The following TBC1D8 variants were observed in gnomAD, a reference collection of about 807,000 sequenced individuals.
TBC1D8 encodes the protein BUB2-like protein 1.
TBC1D8 carries 65 observed loss-of-function variants against 118.8 expected under a neutral mutation model. The ratio of observed to expected loss-of-function variants is 0.55; its 90% CI spans 0.45 to 0.67. TBC1D8 has a LOEUF of 0.67. TBC1D8 is among the 30% of genes least tolerant of loss of function. The probability of loss-of-function intolerance (pLI) is 0.00; values close to 1 mark genes in which losing one functional copy is unlikely to be tolerated. For missense variants in TBC1D8, 1,376 were observed against 1,471.2 expected (o/e 0.94, Z 1.06); for synonymous variants, 566 against 595.8 (o/e 0.95, Z 0.73).
chr2:101,143,242 T>C (rs1679189602), intron 1 of TBC1D8, among the ~76,000 whole-genome samples: 1 of 151,994 alleles, frequency 6.6e-6, no homozygotes, highest in Non-Finnish European at 1.5e-5. Context: ...TTTGTATTTT[T>C]AGTAGAGATG....
intron 2 of TBC1D8, among the ~76,000 whole-genome samples, chr2:101,082,893 A>G (rs150196018): frequency 4.6e-5 from 7 of 152,336 alleles, no homozygotes; most frequent in South Asian, 4.1e-4. Flanking sequence ...TCATGCCACC[A>G]ACCTGTACAC....
At chr2:101,065,963 G>C (rs1682990111) in intron 2 of TBC1D8, among the ~76,000 whole-genome samples, 1 of 152,102 alleles carries the variant, frequency 6.6e-6, no homozygotes, top group African/African-American at 2.4e-5. Context: ...AGAATCAGTA[G>C]ACCAAGACAT....
chr2:101,098,129 G>A (rs759189285), intron 1 of TBC1D8, among the ~76,000 whole-genome samples: 103 of 152,176 alleles, frequency 6.8e-4, no homozygotes, highest in African/African-American at 2.3e-3. Flanking sequence ...ATGGTTGCTC[G>A]CACCTGTAAT....
chr2:101,016,257 G>A (rs1454600089), intron 17 of TBC1D8, among the ~76,000 whole-genome samples: 1 of 152,208 alleles, frequency 6.6e-6, no homozygotes, highest in East Asian at 1.9e-4. Context: ...TCAAAAAGTA[G>A]GCAAAGGATA....
intron 1 of TBC1D8, among the ~76,000 whole-genome samples, chr2:101,097,557 T>TAAA (rs79801373): frequency 1.2e-4 from 18 of 148,498 alleles, no homozygotes; most frequent in East Asian, 7.9e-4. Flanking sequence ...CTCTGTTATT[T>TAAA]AAAAAAAAAA....
intron 2 of TBC1D8, among the ~76,000 whole-genome samples, chr2:101,086,966 T>A (rs1414553479): frequency 2.0e-5 from 3 of 151,978 alleles, no homozygotes; most frequent in Non-Finnish European, 4.4e-5. Flanking sequence ...GTACTTTTAG[T>A]AGAGATGGGG....
intron 1 of TBC1D8, among the ~76,000 whole-genome samples, chr2:101,104,771 T>C (rs764830400): frequency 6.6e-6 from 1 of 152,156 alleles, no homozygotes; most frequent in Non-Finnish European, 1.5e-5. Flanking sequence ...ATCCCAGCAC[T>C]TTGGAAGGCC....
intron 1 of TBC1D8, among the ~76,000 whole-genome samples, chr2:101,115,184 T>C (rs1287423522): frequency 2.0e-5 from 3 of 152,180 alleles, no homozygotes; most frequent in South Asian, 2.1e-4. Context: ...ACCCAATCTA[T>C]CTTTAGAAAA....
intron 2 of TBC1D8, among the ~76,000 whole-genome samples, chr2:101,070,746 T>C (rs1328062650): frequency 6.6e-6 from 1 of 152,154 alleles, no homozygotes; most frequent in African/African-American, 2.4e-5. Flanking sequence ...CCTCACCTAT[T>C]CTGTAGTCAG....
intron 2 of TBC1D8, among the ~76,000 whole-genome samples, chr2:101,059,774 C>T (rs1402613914): frequency 6.6e-6 from 1 of 152,122 alleles, no homozygotes; most frequent in Non-Finnish European, 1.5e-5. Flanking sequence ...TCTGTCTCTA[C>T]TAAAAATGCA....
intron 2 of TBC1D8, among the ~76,000 whole-genome samples, chr2:101,062,044 T>A (rs1460514180): frequency 1.3e-5 from 2 of 152,172 alleles, no homozygotes. Context: ...GCCTCTGGCT[T>A]AAGTCTCCCT....
chr2:101,043,855 G>A (rs1352784890), intron 5 of TBC1D8, among the ~76,000 whole-genome samples: 2 of 152,080 alleles, frequency 1.3e-5, no homozygotes, highest in Non-Finnish European at 2.9e-5. Flanking sequence ...CAAGAGAATC[G>A]CTTGAACCCG....
At chr2:101,016,821 A>G (rs1679678988) in intron 17 of TBC1D8, among the ~76,000 whole-genome samples, 1 of 152,068 alleles carries the variant, frequency 6.6e-6, no homozygotes, top group East Asian at 1.9e-4. Context: ...AACTATCACA[A>G]GGACAAAAAA....
intron 1 of TBC1D8, among the ~76,000 whole-genome samples, chr2:101,103,316 T>C (rs1411718415): frequency 2.1e-5 from 3 of 142,670 alleles, no homozygotes; most frequent in African/African-American, 7.7e-5. Flanking sequence ...CCATTCATGA[T>C]TTTAAAAAAA....
chr2:101,021,585 T>C (rs1316384669), intron 17 of TBC1D8, 96 bp downstream of exon 17: 1 of 879,246 alleles, frequency 1.1e-6, no homozygotes, highest in Admixed American at 2.5e-5. Context: ...CAAGCATAAG[T>C]GAACTTTAAA....
At chr2:101,100,295 C>T (rs992861535) in intron 1 of TBC1D8, among the ~76,000 whole-genome samples, 24 of 152,150 alleles carry the variant, frequency 1.6e-4, no homozygotes, top group African/African-American at 5.1e-4. Flanking sequence ...CCTAGGAATA[C>T]AGCTAACAAG....
chr2:101,076,549 G>A (rs1368695083), intron 2 of TBC1D8, among the ~76,000 whole-genome samples: 1 of 152,184 alleles, frequency 6.6e-6, no homozygotes, highest in Non-Finnish European at 1.5e-5. Flanking sequence ...GAAGAAAAGT[G>A]CACAAAGTTA....
chr2:101,022,163 AG>A, intron 16 of TBC1D8, 117 bp downstream of exon 16: 1 of 1,493,792 alleles, frequency 6.7e-7, no homozygotes, highest in African/African-American at 1.4e-5. Context: ...AGTTCATGTC[AG>A]GCCAGTCACA....
Position 101,151,116 on chromosome 2 carries a change from G to C in TBC1D8, c.127+11C>G. The C allele has an allele frequency of 9.5e-7, 1 of 1,052,334 alleles. No homozygotes were observed. The highest frequency in any genetic ancestry group is 8.6e-5 in the East Asian group (1 of 11,584). The allele number at this position is 1,052,334 out of a possible 1,614,324, so 65.2% of individuals were successfully genotyped here. On this transcript the variant is annotated intron_variant, in intron 1 of 19. Transcript: ENST00000409318. ...GCCCGGCCGCCGCGCCCGCCCCGGC[G>C]AGCCCCTTACCGGTGAGGCGGCCGC...
Sources: allele counts gnomAD v4.1 joint callset (sites outside exome capture counted in the v4.1 genomes callset), GRCh38; gene constraint gnomAD v4.1.1; transcripts MANE v1.5; gene names NCBI Gene and HGNC (gene_info 2026-07-23, HGNC 2026-07-21).